The following PACSIN1 variants were observed in gnomAD, a reference collection of about 807,000 sequenced individuals.
PACSIN1 encodes protein kinase C and casein kinase substrate in neurons 1.
A neutral mutation model predicts 59.5 loss-of-function variants in PACSIN1; 15 were observed. That is an observed-to-expected ratio of 0.25 (90% CI 0.17 to 0.39). The LOEUF (loss-of-function observed/expected upper bound fraction) is 0.39. Ranked by LOEUF, PACSIN1 falls within the 10% of genes least tolerant of loss-of-function variation. The pLI is 1.00. For synonymous variants in PACSIN1, 210 were observed against 220.6 expected (o/e 0.95, Z 0.42); for missense variants, 420 against 580.2 (o/e 0.72, Z 2.84).
At chr6:34,489,356 C>T (rs1241141503) in intron 1 of PACSIN1, among the ~76,000 whole-genome samples, 1 of 152,128 alleles carries the variant, frequency 6.6e-6, no homozygotes, top group Non-Finnish European at 1.5e-5. Context: ...TCATGAATTA[C>T]AGCCACCATC....
chr6:34,471,336 G>A (rs1341774242), intron 1 of PACSIN1, among the ~76,000 whole-genome samples: 1 of 152,174 alleles, frequency 6.6e-6, no homozygotes, highest in Non-Finnish European at 1.5e-5. Flanking sequence ...TCTTGAGTGT[G>A]GGGGAAGAAT....
Position 34,529,641 on chromosome 6 carries a change from C to G in PACSIN1, c.613-25C>G. On this transcript the variant is annotated intron_variant, in intron 5 of 9. Transcript: ENST00000244458. This position sits in a 1 kb window ranked among gnomAD's most constrained non-coding sequence, Gnocchi z 6.3. Reference sequence around the variant, plus strand: ...AGCTGCAGGCCTGGCTAGGTGTCACCCTCTCTCCACTCTGGTGCCCACAGA... The same window carrying G: ...AGCTGCAGGCCTGGCTAGGTGTCACGCTCTCTCCACTCTGGTGCCCACAGA... 6.2e-7 allele frequency: 1 copy of G among 1,612,922 alleles called. No homozygotes were observed. Among genetic ancestry groups the G allele is most frequent in the Non-Finnish European group, 8.5e-7 (1 of 1,179,090 alleles).
chr6:34,512,081 CTG>C (rs963381371), intron 1 of PACSIN1, among the ~76,000 whole-genome samples: 2 of 151,142 alleles, frequency 1.3e-5, no homozygotes, highest in Admixed American at 6.6e-5. Context: ...ATGTGTGTGC[CTG>C]TGTGTGTGTG....
rs1767470062 is a variant in PACSIN1 at position 34,525,730 on chromosome 6, C to A, written c.-63-513C>A. Among the ~76,000 whole-genome samples the A allele has an allele frequency of 6.6e-6, 1 of 152,060 alleles. No individual in the cohort carries two copies. The highest frequency in any genetic ancestry group is 1.5e-5 in the Non-Finnish European group (1 of 68,008). Reference sequence around the variant, plus strand: ...CTAGATTGGATAACCCTGATGCCTGCCGACAGATCCAGGGCAGACACAGCC... The same window carrying A: ...CTAGATTGGATAACCCTGATGCCTGACGACAGATCCAGGGCAGACACAGCC... On this transcript the variant is annotated intron_variant, in intron 1 of 9. Coordinates refer to ENST00000244458, the MANE Select transcript of PACSIN1 (RefSeq NM_020804.5). This position sits in a 1 kb window ranked among gnomAD's most constrained non-coding sequence, Gnocchi z 4.9.
intron 1 of PACSIN1, among the ~76,000 whole-genome samples, chr6:34,497,833 C>A (rs1006373999): frequency 1.3e-5 from 2 of 152,158 alleles, no homozygotes; most frequent in African/African-American, 4.8e-5. Context: ...CCACTGGGCC[C>A]AGTGTATACC....
Position 34,532,709 on chromosome 6 carries a change from C to G in PACSIN1, c.*179C>G. 1 of 582,368 alleles carries G rather than the reference C, an allele frequency of 1.7e-6. No homozygotes were observed. The highest frequency in any genetic ancestry group is 3.1e-6 in the Non-Finnish European group (1 of 325,428). The allele number at this position is 582,368 out of a possible 1,614,324, so 36.1% of individuals were successfully genotyped here. On this transcript the variant is annotated 3_prime_UTR_variant, in exon 10 of 10. Coordinates refer to ENST00000244458, the MANE Select transcript of PACSIN1 (RefSeq NM_020804.5). The surrounding 1 kb of genome is among the most constrained non-coding windows in gnomAD (Gnocchi z 5.2). ...AGAGACAGAGCATTTGCAGGGCCAC[C>G]TGGAGGCTGGGGTGCTGGGGCTTGG...
chr6:34,509,191 A>G (rs1268953062), intron 1 of PACSIN1, among the ~76,000 whole-genome samples: 2 of 152,204 alleles, frequency 1.3e-5, no homozygotes, highest in African/African-American at 2.4e-5. Flanking sequence ...ATTTTTGTCT[A>G]TGGTGTAAGA....
chr6:34,518,613 G>T lies in PACSIN1; in HGVS notation c.-63-7630G>T, dbSNP rs1456980392. Among the ~76,000 whole-genome samples the T allele has an allele frequency of 6.6e-6, 1 of 152,206 alleles. No individual in the cohort carries two copies. The highest frequency in any genetic ancestry group is 6.5e-5 in the Admixed American group (1 of 15,278). On this transcript the variant is annotated intron_variant, in intron 1 of 9. Transcript: ENST00000244458. The surrounding 1 kb of genome is among the most constrained non-coding windows in gnomAD (Gnocchi z 4.4). ...GTGCTTTACCAAGCAAGTTACCACT[G>T]CGGGCAATTCAGCTCACTCCCGCTG...
At chr6:34,512,081 C>CTG (rs963381371) in intron 1 of PACSIN1, among the ~76,000 whole-genome samples, 2 of 151,054 alleles carry the variant, frequency 1.3e-5, no homozygotes, top group African/African-American at 2.4e-5. Flanking sequence ...ATGTGTGTGC[C>CTG]TGTGTGTGTG....
At position 34,518,536 on chromosome 6, in the gene PACSIN1, T is replaced by A. The variant is rs897193747; in HGVS notation, c.-63-7707T>A. The stretch of plus-strand genomic sequence containing the variant: ...ACAAGGATATGATTCATTTAGGAGG[T>A]GGCCCACAGAAACACTGAGGGTGGG... On this transcript the variant is annotated intron_variant, in intron 1 of 9. Transcript: ENST00000244458. The surrounding 1 kb of genome is among the most constrained non-coding windows in gnomAD (Gnocchi z 4.4). 1.4e-4 allele frequency among the ~76,000 whole-genome samples: 21 copies of A among 151,220 alleles called. No individual in the cohort carries two copies. Among genetic ancestry groups the A allele is most frequent in the Non-Finnish European group, 1.2e-4 (8 of 67,786 alleles).
In PACSIN1 at chr6:34,528,517, G is replaced by T; in HGVS notation, c.221-125G>T. On this transcript the variant is annotated intron_variant, in intron 3 of 9. Transcript: ENST00000244458. ...TGTGGGCCCTAGAGGATGGGGCCAC[G>T]TAGAGCAGAGGAGGGCATTTCTGTT... 5.4e-6 allele frequency: 4 copies of T among 746,230 alleles called. No individual in the cohort carries two copies. The South Asian group carries it at 6.3e-5, about 12-fold the overall frequency. The allele number at this position is 746,230 out of a possible 1,614,324, so 46.2% of individuals were successfully genotyped here. A position where few individuals can be genotyped will look rare whatever the true frequency, so the allele number is the denominator to read the frequency against.
chr6:34,532,412 CT>C lies in PACSIN1; in HGVS notation c.1226-6del. 1 of 1,554,776 alleles carries C rather than the reference CT, an allele frequency of 6.4e-7. No homozygotes were observed. The highest frequency in any genetic ancestry group is 8.7e-7 in the Non-Finnish European group (1 of 1,146,678). The stretch of plus-strand genomic sequence containing the variant: ...CTCTCTGAGCCCCTCCCTGTGTTCT[CT>C]TTCCCAGGAGACGAACTCACCAAGC... On this transcript the variant is annotated splice_region_variant and splice_polypyrimidine_tract_variant and intron_variant, in intron 9 of 9. Coordinates refer to ENST00000244458, the MANE Select transcript of PACSIN1 (RefSeq NM_020804.5). The surrounding 1 kb of genome is among the most constrained non-coding windows in gnomAD (Gnocchi z 5.2).
Position 34,531,918 on chromosome 6 carries a change from T to TGAGA in PACSIN1, c.1225+136_1225+139dup, listed in dbSNP as rs1245123029. ...TGTGTGGTGGTGCAGGGGCGGTGCC[T>TGAGA]GAGAGAGAAGCTTGGGTCTGGATTG... On this transcript the variant is annotated intron_variant, in intron 9 of 9. Transcript: ENST00000244458. This position sits in a 1 kb window ranked among gnomAD's most constrained non-coding sequence, Gnocchi z 4.4. 1.7e-5 allele frequency: 14 copies of TGAGA among 845,990 alleles called. No individual in the cohort carries two copies. Among genetic ancestry groups the TGAGA allele is most frequent in the Non-Finnish European group, 2.3e-5 (13 of 562,698 alleles). 52.4% of individuals were successfully genotyped at this position (845,990 alleles called of 1,614,324 possible). A position where few individuals can be genotyped will look rare whatever the true frequency, so the allele number is the denominator to read the frequency against.
Position 34,521,225 on chromosome 6 carries a change from T to A in PACSIN1, c.-63-5018T>A, listed in dbSNP as rs1219541953. On this transcript the variant is annotated intron_variant, in intron 1 of 9. Coordinates refer to ENST00000244458, the MANE Select transcript of PACSIN1 (RefSeq NM_020804.5). The surrounding 1 kb of genome is among the most constrained non-coding windows in gnomAD (Gnocchi z 4.3). ...CGGTGGTGACGAGGGCTGTGAAGAA[T>A]AATACGGAGAGGACAGGGAGGAGGT... Among the ~76,000 whole-genome samples, 1 of 152,078 alleles carries A rather than the reference T, an allele frequency of 6.6e-6. No homozygotes were observed. The highest frequency in any genetic ancestry group is 1.5e-5 in the Non-Finnish European group (1 of 68,008).
chr6:34,517,426 G>A (rs765182274), intron 1 of PACSIN1, among the ~76,000 whole-genome samples: 6 of 151,974 alleles, frequency 3.9e-5, no homozygotes, highest in Non-Finnish European at 7.4e-5. Flanking sequence ...CCCTGCAATG[G>A]CTCCCATCTC....
At chr6:34,506,786 G>T (rs9357179) in intron 1 of PACSIN1, among the ~76,000 whole-genome samples, 56,729 of 152,010 alleles carry the variant, frequency 0.37, 11,819 homozygotes, top group Middle Eastern at 0.55. Flanking sequence ...CTCCTATGTG[G>T]TCTCCACTGA....
chr6:34,511,052 A>T (rs1767194998), intron 1 of PACSIN1, among the ~76,000 whole-genome samples: 1 of 152,162 alleles, frequency 6.6e-6, no homozygotes, highest in Non-Finnish European at 1.5e-5. Flanking sequence ...TCATTTGAAC[A>T]TATTTATGAT....
rs1177521725 is a variant in PACSIN1 at position 34,532,559 on chromosome 6, T to C, written c.*29T>C. On this transcript the variant is annotated 3_prime_UTR_variant, in exon 10 of 10. Coordinates refer to ENST00000244458, the MANE Select transcript of PACSIN1 (RefSeq NM_020804.5). The surrounding 1 kb of genome is among the most constrained non-coding windows in gnomAD (Gnocchi z 5.2). ...CCCCCTCCCTCCATACTCCCGTCAC[T>C]CCTCCCCACTGCCGCCCCTCCCCTC... The C allele has an allele frequency of 9.4e-6, 12 of 1,278,382 alleles. No individual in the cohort carries two copies. Among genetic ancestry groups the C allele is most frequent in the Non-Finnish European group, 1.3e-5 (12 of 907,244 alleles). The allele number at this position is 1,278,382 out of a possible 1,614,324, so 79.2% of individuals were successfully genotyped here. A position where few individuals can be genotyped will look rare whatever the true frequency, so the allele number is the denominator to read the frequency against.
intron 1 of PACSIN1, among the ~76,000 whole-genome samples, chr6:34,487,720 G>T (rs1393725530): frequency 6.6e-6 from 1 of 152,168 alleles, no homozygotes; most frequent in Non-Finnish European, 1.5e-5. Context: ...GTCACTGGAC[G>T]CAGGCTGTCT....
Sources: gnomAD v4.1 joint callset for allele counts (sites outside exome capture counted in the v4.1 genomes callset) on GRCh38, gnomAD v4.1.1 for gene constraint, Gnocchi (gnomAD v3.1) non-coding constraint, MANE v1.5 for transcripts, NCBI Gene and HGNC (gene_info 2026-07-23, HGNC 2026-07-21) for gene names.